DAB1: variants seen among roughly 807,000 people sequenced by gnomAD.
The protein encoded by DAB1 is disabled homolog 1.
In DAB1, 15 loss-of-function variants were observed where a neutral mutation model predicts 64.6. The observed-to-expected ratio is 0.23, with a 90% CI of 0.16 to 0.36. The LOEUF (loss-of-function observed/expected upper bound fraction) is 0.36. Among genes scored for constraint, DAB1 ranks in the 10% least tolerant of loss-of-function variants. The probability of loss-of-function intolerance (pLI) is 1.00; values close to 1 mark genes in which losing one functional copy is unlikely to be tolerated. For synonymous variants in DAB1, 235 were observed against 251.9 expected (o/e 0.93, Z 0.64); for missense variants, 596 against 706.7 (o/e 0.84, Z 1.78).
chr1:57,539,644 T>G (rs77848630), intron 7 of DAB1, among the ~76,000 whole-genome samples: 5,868 of 152,276 alleles, frequency 0.039, 233 homozygotes, highest in Admixed American at 0.13. Context: ...CTTGCTTTAT[T>G]TTTTTCTGCC....
chr1:58,190,024 T>C (rs1233565853), intron 4 of DAB1, among the ~76,000 whole-genome samples: 1 of 152,150 alleles, frequency 6.6e-6, no homozygotes, highest in Non-Finnish European at 1.5e-5. Flanking sequence ...AAGGTAGTAG[T>C]ATTTGTAAGC....
chr1:57,129,897 G>C (rs1657498786), intron 4 of DAB1, among the ~76,000 whole-genome samples: 1 of 151,988 alleles, frequency 6.6e-6, no homozygotes, highest in African/African-American at 2.4e-5. Context: ...TTGTTTCCCT[G>C]TTCCTCCCTT....
At chr1:57,707,162 A>T (rs2101739765) in intron 6 of DAB1, among the ~76,000 whole-genome samples, 1 of 151,912 alleles carries the variant, frequency 6.6e-6, no homozygotes, top group Non-Finnish European at 1.5e-5. Flanking sequence ...CCTACCCCCA[A>T]CTCTACTCCA....
chr1:57,207,446 C>CTTTTTTTTTTTTTTTTTT lies in DAB1; in HGVS notation c.68-62018_68-62017insAAAAAAAAAAAAAAAAAA. Among the ~76,000 whole-genome samples the CTTTTTTTTTTTTTTTTTT allele has an allele frequency of 1.4e-3, 139 of 98,438 alleles. 23 individuals are homozygous for CTTTTTTTTTTTTTTTTTT. Among genetic ancestry groups the CTTTTTTTTTTTTTTTTTT allele is most frequent in the Non-Finnish European group, 2.1e-3 (99 of 46,418 alleles). 64.6% of individuals were successfully genotyped at this position (98,438 alleles called of 152,430 possible). ...CTGTAATTCATACCTTATTTCCTTT[C>CTTTTTTTTTTTTTTTTTT]TTTTTTTTTTTTTTTGAGATGGAGT... On this transcript the variant is annotated intron_variant, in intron 2 of 14. Coordinates refer to ENST00000371236, the MANE Select transcript of DAB1 (RefSeq NM_001365792.1).
At chr1:57,166,549 C>T (rs1661226581) in intron 2 of DAB1, among the ~76,000 whole-genome samples, 1 of 152,126 alleles carries the variant, frequency 6.6e-6, no homozygotes, top group South Asian at 2.1e-4. Flanking sequence ...ATATATTATA[C>T]TGGGCAGTAT....
At chr1:57,831,993 G>T (rs535539589) in intron 1 of DAB1, among the ~76,000 whole-genome samples, 1 of 152,268 alleles carries the variant, frequency 6.6e-6, no homozygotes, top group East Asian at 1.9e-4. Context: ...GAAGACACAT[G>T]CTAAACAATA....
At chr1:58,527,317 A>G (rs747518874) in exon 2 of DAB1, 16 of 872,202 alleles carry the variant, frequency 1.8e-5, no homozygotes, top group Non-Finnish European at 3.2e-5. Flanking sequence ...TTTCTGCTGT[A>G]TGGTCTATTA....
At chr1:57,834,624 C>T (rs1652729574) in intron 1 of DAB1, among the ~76,000 whole-genome samples, 1 of 151,316 alleles carries the variant, frequency 6.6e-6, no homozygotes, top group Admixed American at 6.6e-5. Flanking sequence ...TATATATATA[C>T]ATACACAGTT....
At chr1:58,365,674 G>A (rs939551284) in intron 3 of DAB1, among the ~76,000 whole-genome samples, 3 of 152,080 alleles carry the variant, frequency 2.0e-5, no homozygotes, top group Non-Finnish European at 1.5e-5. Flanking sequence ...CCCAAACTCC[G>A]TCTCAACATC....
In DAB1 at chr1:58,520,158, C is replaced by T. The variant is rs536457319; in HGVS notation, n.107+7103G>A. Among the ~76,000 whole-genome samples, 9 of 152,202 alleles carry T rather than the reference C, an allele frequency of 5.9e-5. No homozygotes were observed. The South Asian group carries it at 1.7e-3, about 28-fold the overall frequency. On this transcript the variant is annotated intron_variant and non_coding_transcript_variant, in intron 2 of 20. Transcript: ENST00000485760. ...CACCTTTTGGGTACCATGCTCACTA[C>T]CTCGGGGAGAGGATCATTTGTACAC...
intron 3 of DAB1, among the ~76,000 whole-genome samples, chr1:58,447,433 T>C (rs1645080388): frequency 6.6e-6 from 1 of 152,188 alleles, no homozygotes; most frequent in Non-Finnish European, 1.5e-5. Context: ...TGTACCAGTT[T>C]TTTTTCCTAT....
intron 4 of DAB1, among the ~76,000 whole-genome samples, chr1:58,265,768 T>C (rs188317969): frequency 6.6e-6 from 1 of 152,318 alleles, no homozygotes; most frequent in Non-Finnish European, 1.5e-5. Flanking sequence ...AAAATATGAA[T>C]TTCCACATTG....
intron 1 of DAB1, among the ~76,000 whole-genome samples, chr1:57,344,377 C>A (rs1262594780): frequency 6.6e-6 from 1 of 152,118 alleles, no homozygotes; most frequent in South Asian, 2.1e-4. Flanking sequence ...GCTATGCCAT[C>A]GTGGTGGTGC....
At chr1:58,306,552 A>G (rs1370240882) in intron 4 of DAB1, among the ~76,000 whole-genome samples, 1 of 152,074 alleles carries the variant, frequency 6.6e-6, no homozygotes, top group Non-Finnish European at 1.5e-5. Context: ...AAGTCTTTGC[A>G]TCTCACCATT....
intron 4 of DAB1, among the ~76,000 whole-genome samples, chr1:58,252,311 C>T (rs1331170352): frequency 6.6e-6 from 1 of 152,096 alleles, no homozygotes; most frequent in Admixed American, 6.5e-5. Context: ...GCCCCTGAAC[C>T]CATCTGTCTT....
intron 1 of DAB1, among the ~76,000 whole-genome samples, chr1:57,304,282 G>C (rs955730098): frequency 6.6e-6 from 1 of 151,986 alleles, no homozygotes; most frequent in African/African-American, 2.4e-5. Flanking sequence ...AGACAGCATC[G>C]AGGGATGGCT....
At chr1:58,491,077 G>A (rs183903628) in intron 3 of DAB1, among the ~76,000 whole-genome samples, 28 of 152,154 alleles carry the variant, frequency 1.8e-4, no homozygotes, top group Middle Eastern at 3.4e-3. Context: ...AAAGTGCTGA[G>A]ATTACAGGCG....
chr1:57,587,561 T>A (rs1269879362), intron 7 of DAB1, among the ~76,000 whole-genome samples: 1 of 152,154 alleles, frequency 6.6e-6, no homozygotes, highest in Non-Finnish European at 1.5e-5. Flanking sequence ...TCTCACCCCC[T>A]CAATTGTACC....
At chr1:57,278,304 G>A (rs143602868) in intron 2 of DAB1, among the ~76,000 whole-genome samples, 1 of 152,280 alleles carries the variant, frequency 6.6e-6, no homozygotes, top group East Asian at 1.9e-4. Flanking sequence ...GATTTTAAAA[G>A]TTATTGTATT....
Sources: allele counts gnomAD v4.1 joint callset (sites outside exome capture counted in the v4.1 genomes callset), GRCh38; gene constraint gnomAD v4.1.1; transcripts MANE v1.5; gene names NCBI Gene and HGNC (gene_info 2026-07-23, HGNC 2026-07-21).